The following SH3GL2 variants were observed in gnomAD, a reference collection of about 807,000 sequenced individuals.
SH3GL2 encodes endophilin-A1.
Under a neutral mutation model 46.0 loss-of-function variants are expected in SH3GL2, and 24 were observed. The observed-to-expected ratio is 0.52, with a 90% CI of 0.38 to 0.73. SH3GL2 has a LOEUF of 0.73. SH3GL2 is among the 30% of genes least tolerant of loss of function. The pLI is 0.00. For missense variants in SH3GL2, 413 were observed against 424.2 expected, an observed-to-expected ratio of 0.97 and a Z score of 0.23; for synonymous variants, 196 against 147.1, an observed-to-expected ratio of 1.33 and a Z score of -2.40.
chr9:17,655,760 T>A (rs1354251271), intron 1 of SH3GL2, among the ~76,000 whole-genome samples: 1 of 152,194 alleles, frequency 6.6e-6, no homozygotes, highest in Non-Finnish European at 1.5e-5. Context: ...TTGAGCACAT[T>A]TGAACATGTC....
chr9:17,722,502 AT>A (rs199998216), intron 1 of SH3GL2, among the ~76,000 whole-genome samples: 1,901 of 151,408 alleles, frequency 0.013, 18 homozygotes, highest in Non-Finnish European at 0.02. Context: ...GTGCAGTAAA[AT>A]TTTTTTTTCT....
rs776273164 is a variant in SH3GL2, at chr9:17,795,536, A to G, written c.860-8A>G. On this transcript the variant is annotated splice_polypyrimidine_tract_variant and splice_region_variant and intron_variant, in intron 8 of 8. Coordinates refer to ENST00000380607, the MANE Select transcript of SH3GL2 (RefSeq NM_003026.5). ...TGTTCTTCTCTTCTCTCCTGCTCTT[A>G]CTCCCAGGTGTCCAAATGGATCAGC... The G allele has an allele frequency of 2.2e-5, 35 of 1,611,152 alleles. No homozygotes were observed. The highest frequency in any genetic ancestry group is 2.9e-5 in the Non-Finnish European group (34 of 1,177,562).
intron 1 of SH3GL2, among the ~76,000 whole-genome samples, chr9:17,601,051 C>T (rs1397546409): frequency 1.3e-5 from 2 of 152,108 alleles, no homozygotes; most frequent in Admixed American, 1.3e-4. Context: ...CATTCTTAAC[C>T]ATTGTGTATG....
intron 6 of SH3GL2, chr9:17,789,764 G>T: frequency 1.0e-6 from 1 of 983,718 alleles, no homozygotes; most frequent in Non-Finnish European, 1.2e-6. Flanking sequence ...CTAGATTCTC[G>T]ACTGCTAATG....
intron 3 of SH3GL2, among the ~76,000 whole-genome samples, chr9:17,783,090 G>A (rs1408405630): frequency 5.3e-5 from 8 of 152,128 alleles, no homozygotes; most frequent in African/African-American, 1.9e-4. Context: ...ATTTTCCCCA[G>A]TATCCAGTGC....
intron 1 of SH3GL2, among the ~76,000 whole-genome samples, chr9:17,610,433 C>T (rs1158524466): frequency 6.6e-6 from 1 of 152,116 alleles, no homozygotes; most frequent in Non-Finnish European, 1.5e-5. Flanking sequence ...AAAGAGTATA[C>T]AATTTAGTAA....
At chr9:17,678,882 A>C (rs184951654) in intron 1 of SH3GL2, among the ~76,000 whole-genome samples, 1 of 152,282 alleles carries the variant, frequency 6.6e-6, no homozygotes, top group African/African-American at 2.4e-5. Context: ...CATTTATTAA[A>C]TAGGGAATCC....
intron 1 of SH3GL2, among the ~76,000 whole-genome samples, chr9:17,596,204 A>T (rs138108081): frequency 1.3e-5 from 2 of 152,182 alleles, no homozygotes; most frequent in African/African-American, 4.8e-5. Flanking sequence ...TGCCCTCCAT[A>T]GAGCCCTGAA....
intron 1 of SH3GL2, among the ~76,000 whole-genome samples, chr9:17,702,381 A>G (rs1263809895): frequency 1.3e-5 from 2 of 152,096 alleles, no homozygotes; most frequent in African/African-American, 4.8e-5. Flanking sequence ...TCCCAAACCC[A>G]GAAACTATAA....
chr9:17,773,292 T>G (rs912547040), intron 3 of SH3GL2, among the ~76,000 whole-genome samples: 1 of 152,176 alleles, frequency 6.6e-6, no homozygotes, highest in African/African-American at 2.4e-5. Context: ...TGTCTTTTGA[T>G]GCACACAATT....
chr9:17,697,510 C>T (rs768026778), intron 1 of SH3GL2, among the ~76,000 whole-genome samples: 35 of 152,094 alleles, frequency 2.3e-4, no homozygotes, highest in Non-Finnish European at 4.0e-4. Context: ...GTGTGAGCCA[C>T]CGTGCCTGGC....
chr9:17,681,623 C>T (rs935404844), intron 1 of SH3GL2, among the ~76,000 whole-genome samples: 3 of 149,296 alleles, frequency 2.0e-5, no homozygotes, highest in African/African-American at 7.5e-5. Context: ...TAGGCAGTGC[C>T]ATTCAAGACA....
chr9:17,738,692 A>G (rs1192591668), intron 1 of SH3GL2, among the ~76,000 whole-genome samples: 1 of 146,598 alleles, frequency 6.8e-6, no homozygotes, highest in African/African-American at 2.5e-5. Context: ...ATTTCAAGGA[A>G]TTGCCTCATG....
intron 3 of SH3GL2, among the ~76,000 whole-genome samples, chr9:17,775,622 G>A (rs1341055776): frequency 6.6e-6 from 1 of 152,172 alleles, no homozygotes; most frequent in Non-Finnish European, 1.5e-5. Flanking sequence ...TTCGGCATTT[G>A]TCCTGCTCAA....
intron 1 of SH3GL2, among the ~76,000 whole-genome samples, chr9:17,709,252 G>A (rs138893311): frequency 5.9e-5 from 9 of 152,120 alleles, no homozygotes; most frequent in African/African-American, 7.2e-5. Context: ...TGTAAGATAA[G>A]TCAGTCCTTT....
At chr9:17,757,041 C>T (rs1416867214) in intron 2 of SH3GL2, among the ~76,000 whole-genome samples, 1 of 152,156 alleles carries the variant, frequency 6.6e-6, no homozygotes. Context: ...GATGGTATCT[C>T]ATTGTGGTTT....
chr9:17,788,368 G>A (rs1354596554), intron 5 of SH3GL2, among the ~76,000 whole-genome samples: 1 of 152,032 alleles, frequency 6.6e-6, no homozygotes, highest in African/African-American at 2.4e-5. Flanking sequence ...TTTGGATCAG[G>A]GCATGGACTG....
intron 1 of SH3GL2, among the ~76,000 whole-genome samples, chr9:17,635,653 A>C (rs995135077): frequency 6.6e-6 from 1 of 152,196 alleles, no homozygotes; most frequent in Non-Finnish European, 1.5e-5. Context: ...GCTGAAAGTC[A>C]TGTGCCTGCT....
At position 17,610,374 on chromosome 9, in the gene SH3GL2, A is replaced by G. The variant is rs1588171119; in HGVS notation, c.45+31087A>G. ...CAGTGAACACTATGTTCTGTCTAACAGGCACCTGCTCTAGGTTATTAGGGC... is the reference window on the plus strand; with the variant it reads ...CAGTGAACACTATGTTCTGTCTAACGGGCACCTGCTCTAGGTTATTAGGGC... On this transcript the variant is annotated intron_variant, in intron 1 of 8. Coordinates refer to ENST00000380607, the MANE Select transcript of SH3GL2 (RefSeq NM_003026.5). Among the ~76,000 whole-genome samples the G allele has an allele frequency of 2.0e-5, 3 of 152,306 alleles. No homozygotes were observed. The South Asian group carries it at 6.2e-4, about 32-fold the overall frequency.
Sources: allele counts gnomAD v4.1 joint callset (sites outside exome capture counted in the v4.1 genomes callset), GRCh38; gene constraint gnomAD v4.1.1; transcripts MANE v1.5; gene names NCBI Gene and HGNC (gene_info 2026-07-23, HGNC 2026-07-21).